ZMIZ1: variants seen among roughly 807,000 people sequenced by gnomAD.
ZMIZ1 encodes zinc finger MIZ-type containing 1, also known as zinc finger MIZ domain-containing protein 1.
ZMIZ1 carries 17 observed loss-of-function variants against 113.9 expected under a neutral mutation model. The ratio of observed to expected loss-of-function variants is 0.15; its 90% CI spans 0.10 to 0.22. ZMIZ1 has a LOEUF of 0.22. Among genes scored for constraint, ZMIZ1 ranks in the 10% least tolerant of loss-of-function variants. The probability of loss-of-function intolerance (pLI) is 1.00; values close to 1 mark genes in which losing one functional copy is unlikely to be tolerated. For missense variants in ZMIZ1, 1,059 were observed against 1,477.8 expected (o/e 0.72, Z 4.65); for synonymous variants, 607 against 603.1 (o/e 1.01, Z -0.09).
intron 4 of ZMIZ1, among the ~76,000 whole-genome samples, chr10:79,198,055 C>T (rs577144287): frequency 7.9e-5 from 12 of 152,118 alleles, no homozygotes; most frequent in South Asian, 6.2e-4. Context: ...ATCAAGAGAT[C>T]GAGACCATCC....
At chr10:79,121,932 C>T (rs1844308448) in intron 2 of ZMIZ1, among the ~76,000 whole-genome samples, 2 of 152,170 alleles carry the variant, frequency 1.3e-5, no homozygotes, top group Non-Finnish European at 1.5e-5. Flanking sequence ...CAATACCCAT[C>T]AGAGTCTCCT....
At position 79,305,976 on chromosome 10, in the gene ZMIZ1, G is replaced by A. The variant is rs796592601; in HGVS notation, c.2424-124G>A. Reference sequence around the variant, plus strand: ...CTGCCAGGCTTCCGCCTCGTCCACAGTGTGGTGAGAGTGGGAGCAGGGGCC... The same window carrying A: ...CTGCCAGGCTTCCGCCTCGTCCACAATGTGGTGAGAGTGGGAGCAGGGGCC... On this transcript the variant is annotated intron_variant, in intron 21 of 24. Coordinates refer to ENST00000334512, the MANE Select transcript of ZMIZ1 (RefSeq NM_020338.4). The A allele has an allele frequency of 2.8e-5, 40 of 1,433,366 alleles. No individual in the cohort carries two copies. In the African/African-American group the frequency reaches 5.0e-4, roughly 18 times the overall value. 88.8% of individuals were successfully genotyped at this position (1,433,366 alleles called of 1,614,324 possible).
chr10:79,242,023 A>G (rs898994890), intron 7 of ZMIZ1, among the ~76,000 whole-genome samples: 10 of 152,094 alleles, frequency 6.6e-5, no homozygotes, highest in Non-Finnish European at 1.5e-4. Context: ...TTTCACAGGC[A>G]GGTGGGTGGG....
At chr10:79,125,219 C>G (rs1018252712) in intron 2 of ZMIZ1, among the ~76,000 whole-genome samples, 6 of 152,236 alleles carry the variant, frequency 3.9e-5, no homozygotes, top group African/African-American at 1.2e-4. Context: ...ACAATCTGCA[C>G]ACCTCCCCCA....
chr10:79,246,159 C>T (rs1054968872), intron 7 of ZMIZ1, among the ~76,000 whole-genome samples: 6 of 152,236 alleles, frequency 3.9e-5, no homozygotes, highest in African/African-American at 1.2e-4. Flanking sequence ...TGCCCAAGGT[C>T]ATCCAGCAAG....
intron 7 of ZMIZ1, among the ~76,000 whole-genome samples, chr10:79,249,584 T>G (rs1850419415): frequency 6.6e-6 from 1 of 152,230 alleles, no homozygotes; most frequent in South Asian, 2.1e-4. Context: ...CTGTCCAGTA[T>G]AGCAGCCACA....
intron 1 of ZMIZ1, among the ~76,000 whole-genome samples, chr10:79,093,108 A>T (rs1843034156): frequency 7.0e-6 from 1 of 143,244 alleles, no homozygotes; most frequent in Admixed American, 7.2e-5. Context: ...GATAATTATT[A>T]TTCTTTCTAC....
At chr10:79,286,984 G>C (rs897743365) in intron 8 of ZMIZ1, among the ~76,000 whole-genome samples, 6 of 152,214 alleles carry the variant, frequency 3.9e-5, no homozygotes, top group Non-Finnish European at 8.8e-5. Flanking sequence ...CAGAAGTTCT[G>C]GGGCGAGAAG....
intron 6 of ZMIZ1, among the ~76,000 whole-genome samples, chr10:79,213,975 T>C (rs1437175824): frequency 1.3e-5 from 2 of 152,162 alleles, no homozygotes; most frequent in African/African-American, 4.8e-5. Flanking sequence ...TGTTTCCCAT[T>C]GACAGCAGCC....
At chr10:79,255,826 G>A (rs556858631) in intron 7 of ZMIZ1, among the ~76,000 whole-genome samples, 1 of 152,128 alleles carries the variant, frequency 6.6e-6, no homozygotes, top group African/African-American at 2.4e-5. Context: ...AGTGATTTCC[G>A]CATCGATCAT....
intron 1 of ZMIZ1, among the ~76,000 whole-genome samples, chr10:79,108,139 C>T (rs1421798195): frequency 3.9e-5 from 6 of 152,224 alleles, no homozygotes; most frequent in Non-Finnish European, 7.3e-5. Flanking sequence ...TAATCATCCT[C>T]GCTCCACTGT....
chr10:79,276,254 A>G (rs184971672), intron 7 of ZMIZ1, among the ~76,000 whole-genome samples: 1 of 152,220 alleles, frequency 6.6e-6, no homozygotes, highest in Non-Finnish European at 1.5e-5. Context: ...GAGCGCAGCC[A>G]GTTCCCCAGC....
intron 7 of ZMIZ1, among the ~76,000 whole-genome samples, chr10:79,257,114 G>A (rs1850962252): frequency 1.3e-5 from 2 of 152,222 alleles, no homozygotes; most frequent in South Asian, 4.1e-4. Flanking sequence ...GCCCGAGTGA[G>A]CACATGCTCC....
intron 6 of ZMIZ1, among the ~76,000 whole-genome samples, chr10:79,209,058 G>C (rs1230497547): frequency 6.6e-6 from 1 of 152,140 alleles, no homozygotes; most frequent in Non-Finnish European, 1.5e-5. Flanking sequence ...GCAGCACAGG[G>C]AAGGGAATCC....
At chr10:79,155,132 G>A (rs931128884) in intron 3 of ZMIZ1, among the ~76,000 whole-genome samples, 10 of 152,104 alleles carry the variant, frequency 6.6e-5, no homozygotes, top group African/African-American at 2.2e-4. Flanking sequence ...AGATGCATTG[G>A]AACCCAGAGA....
At chr10:79,081,868 TTCATTACCATGTGCAATGATGG>T (rs1464355695) in intron 1 of ZMIZ1, among the ~76,000 whole-genome samples, 3 of 152,200 alleles carry the variant, frequency 2.0e-5, no homozygotes, top group Non-Finnish European at 2.9e-5. Flanking sequence ...AGTGTAATGT[TTCATTACCATGTGCAATGATGG>T]TAATGGCAGC....
At chr10:79,076,557 C>A (rs79300793) in intron 1 of ZMIZ1, among the ~76,000 whole-genome samples, 1 of 152,114 alleles carries the variant, frequency 6.6e-6, no homozygotes, top group Non-Finnish European at 1.5e-5. Flanking sequence ...AAAACAGGGC[C>A]GGGCACAGTG....
At chr10:79,105,891 C>T (rs1400049644) in intron 1 of ZMIZ1, among the ~76,000 whole-genome samples, 1 of 152,212 alleles carries the variant, frequency 6.6e-6, no homozygotes, top group African/African-American at 2.4e-5. Context: ...TGCACACTGT[C>T]CAGGTTGCCC....
intron 3 of ZMIZ1, among the ~76,000 whole-genome samples, chr10:79,155,720 A>C (rs1287504255): frequency 1.3e-5 from 2 of 152,242 alleles, no homozygotes; most frequent in African/African-American, 2.4e-5. Flanking sequence ...AGAGGCCCCC[A>C]GGGATGTGTG....
Sources: gnomAD v4.1 joint callset for allele counts (sites outside exome capture counted in the v4.1 genomes callset) on GRCh38, gnomAD v4.1.1 for gene constraint, MANE v1.5 for transcripts, NCBI Gene and HGNC (gene_info 2026-07-23, HGNC 2026-07-21) for gene names.